CFHR3: variants seen among roughly 807,000 people sequenced by gnomAD.
The protein encoded by CFHR3 is complement factor H-related protein 3.
In CFHR3, 22 loss-of-function variants were observed where a neutral mutation model predicts 36.0. The ratio of observed to expected loss-of-function variants is 0.61; its 90% CI spans 0.44 to 0.87. The LOEUF is 0.87. CFHR3 is among the 40% of genes least tolerant of loss of function. The pLI is 0.00. For missense variants in CFHR3, 276 were observed against 401.3 expected, an observed-to-expected ratio of 0.69 and a Z score of 2.67; for synonymous variants, 97 against 137.4, an observed-to-expected ratio of 0.71 and a Z score of 2.06.
At position 196,776,598 on chromosome 1, in the gene CFHR3, G is replaced by A. The variant is rs1193338111; in HGVS notation, c.58+1654G>A. ...AACACACCGTATAGGGAAAGATCAC[G>A]CAAGGCATAGAGAGAAAACAACCAT... On this transcript the variant is annotated intron_variant, in intron 1 of 5. Coordinates refer to ENST00000367425, the MANE Select transcript of CFHR3 (RefSeq NM_021023.6). Among the ~76,000 whole-genome samples, 12 of 135,976 alleles carry A rather than the reference G, an allele frequency of 8.8e-5. 1 individual carries two copies. The South Asian group carries it at 1.3e-3, about 14-fold the overall frequency. The allele number at this position is 135,976 out of a possible 152,430, so 89.2% of individuals were successfully genotyped here. A position where few individuals can be genotyped will look rare whatever the true frequency, so the allele number is the denominator to read the frequency against.
intron 5 of CFHR3, among the ~76,000 whole-genome samples, chr1:196,790,716 C>A (rs548854134): frequency 8.2e-6 from 1 of 121,842 alleles, no homozygotes. Flanking sequence ...AGAGGGAGAC[C>A]CCATCTCCAA....
intron 3 of CFHR3, among the ~76,000 whole-genome samples, chr1:196,786,172 C>A: frequency 7.4e-6 from 1 of 135,932 alleles, no homozygotes; most frequent in East Asian, 2.0e-4. Flanking sequence ...AGTTTTGTCT[C>A]AGAGGAGTAC....
In CFHR3 at chr1:196,780,574, G is replaced by T. The variant is rs1253036090; in HGVS notation, c.430+601G>T. On this transcript the variant is annotated intron_variant, in intron 3 of 5. Transcript: ENST00000367425. Reference sequence around the variant, plus strand: ...TTTAATGATTCTAAAATTTGGAAATGCAGTTTGATTTCTTTTATTTATCTT... The same window carrying T: ...TTTAATGATTCTAAAATTTGGAAATTCAGTTTGATTTCTTTTATTTATCTT... Among the ~76,000 whole-genome samples the T allele has an allele frequency of 2.2e-5, 3 of 136,718 alleles. 1 individual carries two copies. The highest frequency in any genetic ancestry group is 9.1e-5 in the African/African-American group (3 of 32,854). 89.7% of individuals were successfully genotyped at this position (136,718 alleles called of 152,430 possible).
Position 196,783,488 on chromosome 1 carries a change from A to T in CFHR3, c.430+3515A>T, listed in dbSNP as rs565305891. Among the ~76,000 whole-genome samples the T allele has an allele frequency of 2.2e-4, 29 of 131,210 alleles. 5 individuals are homozygous for T. The highest frequency in any genetic ancestry group is 4.6e-4 in the Non-Finnish European group (29 of 63,040). The allele number at this position is 131,210 out of a possible 152,430, so 86.1% of individuals were successfully genotyped here. ...TATTGCCACAATTTCAGAGCCTGTT[A>T]TTGGTCTATTCAGAGATTCAACTTC... On this transcript the variant is annotated intron_variant, in intron 3 of 5. Coordinates refer to ENST00000367425, the MANE Select transcript of CFHR3 (RefSeq NM_021023.6).
chr1:196,781,577 T>A (rs1159481004), intron 3 of CFHR3, among the ~76,000 whole-genome samples: 1 of 137,000 alleles, frequency 7.3e-6, no homozygotes, highest in Non-Finnish European at 1.5e-5. Context: ...TTTTCATGTG[T>A]TTTTTGGCTG....
At chr1:196,786,248 T>C (rs12407083) in intron 3 of CFHR3, among the ~76,000 whole-genome samples, 40,534 of 135,020 alleles carry the variant, frequency 0.3, 11,991 homozygotes, top group East Asian at 0.53. Context: ...GCTCGGGGGT[T>C]GGGGTCAGCG....
Position 196,788,792 on chromosome 1 carries a change from C to T in CFHR3, c.613+394C>T, listed in dbSNP as rs994331546. 9.6e-6 allele frequency: 14 copies of T among 1,456,610 alleles called. 3 individuals carry two copies. The highest frequency in any genetic ancestry group is 8.5e-5 in the African/African-American group (5 of 59,130). The allele number at this position is 1,456,610 out of a possible 1,614,324, so 90.2% of individuals were successfully genotyped here. ...TCACGCTCAGAAAAGTTGTACATGT[C>T]GGGGGAGAAATGAGTGCTTAATTCT... On this transcript the variant is annotated intron_variant, in intron 4 of 5. Coordinates refer to ENST00000367425, the MANE Select transcript of CFHR3 (RefSeq NM_021023.6).
chr1:196,794,867 T>G lies in CFHR3; in HGVS notation c.*1354T>G. On this transcript the variant is annotated 3_prime_UTR_variant, in exon 6 of 6. Transcript: ENST00000367425. ...AAAAAAGCATGAACTTGTATAATGATCTAGTCCTGTACAGAATGAGAAATA... is the reference window on the plus strand; with the variant it reads ...AAAAAAGCATGAACTTGTATAATGAGCTAGTCCTGTACAGAATGAGAAATA... 1 of 228,498 alleles carries G rather than the reference T, an allele frequency of 4.4e-6. No individual in the cohort carries two copies. Among genetic ancestry groups the G allele is most frequent in the South Asian group, 5.5e-5 (1 of 18,264 alleles). 14.2% of individuals were successfully genotyped at this position (228,498 alleles called of 1,614,324 possible).
chr1:196,792,442 G>T (rs1167604675), intron 5 of CFHR3, among the ~76,000 whole-genome samples: 1 of 110,938 alleles, frequency 9.0e-6, no homozygotes, highest in Admixed American at 8.8e-5. Flanking sequence ...AATACCTGGG[G>T]TATGGGTTGA....
At position 196,786,795 on chromosome 1, in the gene CFHR3, C is replaced by T. The variant is rs1195530821; in HGVS notation, c.431-1421C>T. Among the ~76,000 whole-genome samples the T allele has an allele frequency of 5.1e-5, 7 of 137,256 alleles. 2 individuals are homozygous for T. The highest frequency in any genetic ancestry group is 7.7e-5 in the Non-Finnish European group (5 of 64,586). The allele number at this position is 137,256 out of a possible 152,430, so 90.0% of individuals were successfully genotyped here. On this transcript the variant is annotated intron_variant, in intron 3 of 5. Transcript: ENST00000367425. ...GCCTTCCCCTGCTTTGGCTCACGCACGGTGCGCTGCACCCATTGTCCTGCA... is the reference window on the plus strand; with the variant it reads ...GCCTTCCCCTGCTTTGGCTCACGCATGGTGCGCTGCACCCATTGTCCTGCA...
chr1:196,789,776 G>T, intron 4 of CFHR3: 1 of 1,317,312 alleles, frequency 7.6e-7, no homozygotes, highest in Non-Finnish European at 9.9e-7. Flanking sequence ...TTTTATTCAA[G>T]TATTTTTTAT....
In CFHR3 at chr1:196,785,673, C is replaced by A. The variant is rs967679355; in HGVS notation, c.431-2543C>A. On this transcript the variant is annotated intron_variant, in intron 3 of 5. Transcript: ENST00000367425. ...GCTCCACCAGCTCCTTTAAGCACTT[C>A]TCTGTATTGGTTATTCTACTTATAC... Among the ~76,000 whole-genome samples the A allele has an allele frequency of 5.8e-5, 8 of 137,120 alleles. 1 individual carries two copies. The highest frequency in any genetic ancestry group is 9.1e-5 in the African/African-American group (3 of 32,818). The allele number at this position is 137,120 out of a possible 152,430, so 90.0% of individuals were successfully genotyped here. A position where few individuals can be genotyped will look rare whatever the true frequency, so the allele number is the denominator to read the frequency against.
intron 3 of CFHR3, among the ~76,000 whole-genome samples, chr1:196,785,834 C>T (rs1346102704): frequency 3.6e-5 from 5 of 137,310 alleles, no homozygotes; most frequent in Admixed American, 7.0e-5. Context: ...AGCTTTGTTC[C>T]GTTGCTGGTG....
chr1:196,776,713 A>C (rs1653736031), intron 1 of CFHR3, among the ~76,000 whole-genome samples: 1 of 136,694 alleles, frequency 7.3e-6, no homozygotes, highest in Admixed American at 7.1e-5. Context: ...TGAGAAAATA[A>C]ATTTCTATGA....
chr1:196,779,545 T>A lies in CFHR3; in HGVS notation c.253+189T>A, dbSNP rs1357741984. Among the ~76,000 whole-genome samples, 5 of 136,596 alleles carry A rather than the reference T, an allele frequency of 3.7e-5. 1 individual carries two copies. The highest frequency in any genetic ancestry group is 3.5e-4 in the Admixed American group (5 of 14,148). 89.6% of individuals were successfully genotyped at this position (136,596 alleles called of 152,430 possible). ...TTGAAAATCATATGAAAAATAAATA[T>A]AGAGACTTTATGAGAATATCTATAT... On this transcript the variant is annotated intron_variant, in intron 2 of 5. Transcript: ENST00000367425.
At position 196,785,148 on chromosome 1, in the gene CFHR3, T is replaced by C. The variant is rs941304082; in HGVS notation, c.431-3068T>C. Among the ~76,000 whole-genome samples, 5 of 137,372 alleles carry C rather than the reference T, an allele frequency of 3.6e-5. 2 individuals are homozygous for C. Among genetic ancestry groups the C allele is most frequent in the African/African-American group, 1.5e-4 (5 of 32,886 alleles). The allele number at this position is 137,372 out of a possible 152,430, so 90.1% of individuals were successfully genotyped here. A position where few individuals can be genotyped will look rare whatever the true frequency, so the allele number is the denominator to read the frequency against. On this transcript the variant is annotated intron_variant, in intron 3 of 5. Coordinates refer to ENST00000367425, the MANE Select transcript of CFHR3 (RefSeq NM_021023.6). ...ATATTGGCCCCCACTCTCTTCTGGC[T>C]TGTAGAGTTTCTGCTGAGAGATCTG...
At chr1:196,791,358 A>G (rs1349790118) in intron 5 of CFHR3, among the ~76,000 whole-genome samples, 1 of 136,220 alleles carries the variant, frequency 7.3e-6, no homozygotes, top group Non-Finnish European at 1.6e-5. Context: ...AGAAAACCTA[A>G]AAGAAAATTT....
Position 196,781,938 on chromosome 1 carries a change from C to T in CFHR3, c.430+1965C>T, listed in dbSNP as rs1409648666. Among the ~76,000 whole-genome samples, 4 of 136,794 alleles carry T rather than the reference C, an allele frequency of 2.9e-5. 1 individual carries two copies. The highest frequency in any genetic ancestry group is 1.2e-4 in the African/African-American group (4 of 32,660). 89.7% of individuals were successfully genotyped at this position (136,794 alleles called of 152,430 possible). ...TTTTAGGGTTTTTATGGTGTTAGGT[C>T]TATCATTTAAGTCTTTAATCCATCT... On this transcript the variant is annotated intron_variant, in intron 3 of 5. Transcript: ENST00000367425.
In CFHR3 at chr1:196,790,083, A is replaced by T. The variant is rs1292267521; in HGVS notation, c.652A>T (p.Asn218Tyr). Residue 218 changes from asparagine (N) to tyrosine (Y), a missense_variant, in exon 5 of 6, where the codon AAT (asparagine) becomes TAT (tyrosine). By Grantham distance (143) the Asn-to-Tyr change is moderately radical. Transcript: ENST00000367425. The stretch of plus-strand genomic sequence containing the variant: ...GTGTGGGCCTCCTCCACCTATTAGC[A>T]ATGGTGATACCACCTCCTTTCTACT... ...EKCGPPPPIS[N>Y]GDTTSFLLKV... The T allele has an allele frequency of 5.9e-6, 8 of 1,363,902 alleles. 3 individuals carry two copies. The Admixed American group carries it at 1.7e-4, about 29-fold the overall frequency. 84.5% of individuals were successfully genotyped at this position (1,363,902 alleles called of 1,614,324 possible).
Sources: gnomAD v4.1 joint callset for allele counts (sites outside exome capture counted in the v4.1 genomes callset) on GRCh38, gnomAD v4.1.1 for gene constraint, MANE v1.5 for transcripts, NCBI Gene and HGNC (gene_info 2026-07-23, HGNC 2026-07-21) for gene names.